The following PAX7 variants were observed in gnomAD, a reference collection of about 807,000 sequenced individuals.
The protein encoded by PAX7 is paired box protein Pax-7.
Under a neutral mutation model 50.7 loss-of-function variants are expected in PAX7, and 18 were observed. The ratio of observed to expected loss-of-function variants is 0.36; its 90% CI spans 0.25 to 0.53. The LOEUF (loss-of-function observed/expected upper bound fraction) is 0.53. PAX7 is among the 20% of genes least tolerant of loss of function. PAX7 has a pLI of 0.93. For synonymous variants in PAX7, 310 were observed against 290.4 expected, an observed-to-expected ratio of 1.07 and a Z score of -0.69; for missense variants, 644 against 702.9, an observed-to-expected ratio of 0.92 and a Z score of 0.95.
chr1:18,639,041 C>T (rs552158900), intron 4 of PAX7, among the ~76,000 whole-genome samples: 29 of 152,280 alleles, frequency 1.9e-4, no homozygotes, highest in African/African-American at 7.0e-4. Context: ...TGGCAGGGAG[C>T]CACCAAAGAA....
chr1:18,721,599 GA>G (rs1260138637), intron 7 of PAX7, among the ~76,000 whole-genome samples: 1 of 152,264 alleles, frequency 6.6e-6, no homozygotes, highest in African/African-American at 2.4e-5. Flanking sequence ...TGTGCCAGCA[GA>G]AAGCCCGGAG....
At chr1:18,708,204 C>T (rs1403430187) in intron 7 of PAX7, among the ~76,000 whole-genome samples, 1 of 152,084 alleles carries the variant, frequency 6.6e-6, no homozygotes, top group East Asian at 1.9e-4. Context: ...AACCCCCAGC[C>T]CACTCTCTCC....
At chr1:18,698,869 C>G (rs2089181381) in intron 5 of PAX7, among the ~76,000 whole-genome samples, 1 of 152,226 alleles carries the variant, frequency 6.6e-6, no homozygotes, top group Non-Finnish European at 1.5e-5. Context: ...CGCTGCTTTT[C>G]CCACCCGGGA....
rs779507536 is a variant in PAX7, at chr1:18,735,806, C to T, written c.1330C>T (p.Pro444Ser). ...DSLPTSQAYC[P>S]PTYSTTGYSV... Reference sequence around the variant, plus strand: ...CCTGCCCACCTCCCAGGCCTACTGCCCACCCACCTACAGCACCACCGGCTA... The same window carrying T: ...CCTGCCCACCTCCCAGGCCTACTGCTCACCCACCTACAGCACCACCGGCTA... The change falls in exon 8 of 9, where the codon CCA becomes TCA. Residue 444 changes from proline (P) to serine (S), a missense_variant. Transcript: ENST00000420770. This position sits in a 1 kb window ranked among gnomAD's most constrained non-coding sequence, Gnocchi z 4.0. 44 of 1,613,994 alleles carry T rather than the reference C, an allele frequency of 2.7e-5. No individual in the cohort carries two copies. Among genetic ancestry groups the T allele is most frequent in the South Asian group, 1.1e-4 (10 of 91,074 alleles).
chr1:18,655,417 A>T (rs1428043420), intron 4 of PAX7, among the ~76,000 whole-genome samples: 5 of 152,182 alleles, frequency 3.3e-5, no homozygotes, highest in African/African-American at 1.2e-4. Context: ...GTCCAGCCGA[A>T]GGGGGCCAAC....
chr1:18,657,993 G>A (rs561739547), intron 4 of PAX7, among the ~76,000 whole-genome samples: 4 of 152,256 alleles, frequency 2.6e-5, no homozygotes, highest in East Asian at 1.9e-4. Flanking sequence ...CAGGGCCGAC[G>A]CATGAATACC....
intron 4 of PAX7, among the ~76,000 whole-genome samples, chr1:18,653,930 T>C (rs1469754614): frequency 6.6e-6 from 1 of 151,992 alleles, no homozygotes; most frequent in Non-Finnish European, 1.5e-5. Context: ...GTGTGTGCGG[T>C]CACATGCATG....
Position 18,635,154 on chromosome 1 carries a change from A to G in PAX7, c.365A>G (p.Lys122Arg), listed in dbSNP as rs139680453. 22 of 1,613,924 alleles carry G rather than the reference A, an allele frequency of 1.4e-5. No individual in the cohort carries two copies. In the African/African-American group the frequency reaches 2.4e-4, roughly 18 times the overall value. ...GTAGAGAAAAAGATTGAGGAGTACA[A>G]GAGGGAAAACCCAGGCATGTTCAGC... ...PDVEKKIEEYKRENPGMFSWE... is the reference protein window; with the variant it reads ...PDVEKKIEEYRRENPGMFSWE... The change falls in exon 3 of 9, where the codon AAG becomes AGG. Residue 122 changes from lysine (K) to arginine (R), a missense_variant. By Grantham distance (26) the Lys-to-Arg change is conservative. Transcript: ENST00000420770.
rs562073946 is a variant in PAX7 at position 18,708,554 on chromosome 1, C to G, written c.1155+5258C>G. ...TAGGCGACAGAGAGAGACCCTGTCT[C>G]AAAATTAATTAATTAATTAAAAACA... On this transcript the variant is annotated intron_variant, in intron 7 of 8. Coordinates refer to ENST00000420770, the MANE Select transcript of PAX7 (RefSeq NM_001135254.2). Among the ~76,000 whole-genome samples, 16 of 151,976 alleles carry G rather than the reference C, an allele frequency of 1.1e-4. No homozygotes were observed. In the South Asian group the frequency reaches 3.3e-3, roughly 32 times the overall value.
intron 8 of PAX7, among the ~76,000 whole-genome samples, chr1:18,741,173 G>C (rs1272697458): frequency 1.3e-5 from 2 of 152,220 alleles, no homozygotes; most frequent in Non-Finnish European, 2.9e-5. Flanking sequence ...ACTGGGCCAG[G>C]CATGGTGGCT....
chr1:18,636,203 C>T lies in PAX7; in HGVS notation c.452-34C>T. On this transcript the variant is annotated intron_variant, in intron 3 of 8. Coordinates refer to ENST00000420770, the MANE Select transcript of PAX7 (RefSeq NM_001135254.2). This position sits in a 1 kb window ranked among gnomAD's most constrained non-coding sequence, Gnocchi z 5.1. ...ACCGCTCGCTCCTCTGCTCCAACAA[C>T]TTATACTTGCTCTTTTGCCTTTGAA... 6.2e-7 allele frequency: 1 copy of T among 1,610,844 alleles called. No homozygotes were observed. The highest frequency in any genetic ancestry group is 8.5e-7 in the Non-Finnish European group (1 of 1,177,810).
intron 5 of PAX7, among the ~76,000 whole-genome samples, chr1:18,692,514 C>A (rs1557533655): frequency 2.0e-5 from 3 of 149,602 alleles, no homozygotes; most frequent in South Asian, 2.1e-4. Context: ...TGTACTCCAG[C>A]CTGGGTGACA....
chr1:18,708,264 AC>A (rs773756828), intron 7 of PAX7, among the ~76,000 whole-genome samples: 97 of 152,184 alleles, frequency 6.4e-4, no homozygotes, highest in Non-Finnish European at 1.1e-3. Context: ...CTGTAAGAAA[AC>A]AACTTAGAGG....
chr1:18,704,265 G>A (rs1393696435), intron 7 of PAX7, among the ~76,000 whole-genome samples: 1 of 152,216 alleles, frequency 6.6e-6, no homozygotes, highest in Admixed American at 6.5e-5. Context: ...TTGGAATACA[G>A]CCATGTCCAT....
At chr1:18,711,303 C>G (rs2089348675) in intron 7 of PAX7, among the ~76,000 whole-genome samples, 1 of 152,132 alleles carries the variant, frequency 6.6e-6, no homozygotes, top group South Asian at 2.1e-4. Context: ...GCTGTGAGAA[C>G]TAAGGGAAAA....
rs376288365 is a variant in PAX7, at chr1:18,661,957, G to A, written c.586+25586G>A. On this transcript the variant is annotated intron_variant, in intron 4 of 8. Coordinates refer to ENST00000420770, the MANE Select transcript of PAX7 (RefSeq NM_001135254.2). Reference sequence around the variant, plus strand: ...TCCAGCCTGTTCTGAAATCAAAGACGATTTCCAGGGAGCAGGTGGGAGTCA... The same window carrying A: ...TCCAGCCTGTTCTGAAATCAAAGACAATTTCCAGGGAGCAGGTGGGAGTCA... 1.1e-3 allele frequency among the ~76,000 whole-genome samples: 171 copies of A among 152,322 alleles called. 6 individuals are homozygous for A. In the South Asian group the frequency reaches 0.032, roughly 28 times the overall value.
intron 7 of PAX7, among the ~76,000 whole-genome samples, chr1:18,723,160 T>C (rs1271036108): frequency 6.6e-6 from 1 of 152,144 alleles, no homozygotes; most frequent in Non-Finnish European, 1.5e-5. Context: ...CTCTAAGGAA[T>C]GGCCATCTGC....
At chr1:18,709,403 G>A (rs565918955) in intron 7 of PAX7, among the ~76,000 whole-genome samples, 3 of 152,326 alleles carry the variant, frequency 2.0e-5, no homozygotes, top group Admixed American at 6.5e-5. Context: ...CCCACACACC[G>A]ACCTAATGAA....
chr1:18,746,351 A>G lies in PAX7; in HGVS notation c.*1422A>G, dbSNP rs1179922074. ...CAATTCCAGAGCAGAGGGAAGAGGCACCTTCCTTGACCACACCAGTGGCCT... is the reference window on the plus strand; with the variant it reads ...CAATTCCAGAGCAGAGGGAAGAGGCGCCTTCCTTGACCACACCAGTGGCCT... On this transcript the variant is annotated 3_prime_UTR_variant, in exon 9 of 9. Transcript: ENST00000420770. 1 of 230,544 alleles carries G rather than the reference A, an allele frequency of 4.3e-6. No homozygotes were observed. The highest frequency in any genetic ancestry group is 8.6e-6 in the Non-Finnish European group (1 of 116,486). 14.3% of individuals were successfully genotyped at this position (230,544 alleles called of 1,614,324 possible). A position where few individuals can be genotyped will look rare whatever the true frequency, so the allele number is the denominator to read the frequency against.
Sources: allele counts gnomAD v4.1 joint callset (sites outside exome capture counted in the v4.1 genomes callset), GRCh38; gene constraint gnomAD v4.1.1; non-coding constraint Gnocchi (gnomAD v3.1); transcripts MANE v1.5; gene names NCBI Gene and HGNC (gene_info 2026-07-23, HGNC 2026-07-21).